The following FAM53B variants were observed in gnomAD, a reference collection of about 807,000 sequenced individuals.
FAM53B encodes protein FAM53B.
Under a neutral mutation model 32.7 loss-of-function variants are expected in FAM53B, and 12 were observed. The observed-to-expected ratio is 0.37, with a 90% CI of 0.24 to 0.59. The LOEUF is 0.59. Ranked by LOEUF, FAM53B falls within the 20% of genes least tolerant of loss-of-function variation. The pLI is 0.72. For synonymous variants in FAM53B, 234 were observed against 228.7 expected (o/e 1.02, Z -0.21); for missense variants, 477 against 577.7 (o/e 0.83, Z 1.79).
At chr10:124,631,120 C>T (rs1312938916) in intron 4 of FAM53B, among the ~76,000 whole-genome samples, 1 of 152,242 alleles carries the variant, frequency 6.6e-6, no homozygotes, top group Non-Finnish European at 1.5e-5. Context: ...TCTCCACACC[C>T]CCAGCCATCC....
chr10:124,625,214 A>G (rs1949338940), intron 4 of FAM53B, among the ~76,000 whole-genome samples: 1 of 152,184 alleles, frequency 6.6e-6, no homozygotes, highest in Non-Finnish European at 1.5e-5. Context: ...GGAGGAAGGT[A>G]TATGTGCCTG....
At chr10:124,680,829 T>C (rs1949765690) in intron 4 of FAM53B, among the ~76,000 whole-genome samples, 1 of 152,194 alleles carries the variant, frequency 6.6e-6, no homozygotes, top group South Asian at 2.1e-4. Flanking sequence ...CGCCCATCCT[T>C]GAGTCAGAGG....
In FAM53B at chr10:124,620,163, T is replaced by C. The variant is rs1949297534; in HGVS notation, c.*3079A>G. The C allele has an allele frequency of 6.5e-6, 1 of 152,680 alleles. No individual in the cohort carries two copies. The highest frequency in any genetic ancestry group is 2.4e-5 in the African/African-American group (1 of 41,460). 9.5% of individuals were successfully genotyped at this position (152,680 alleles called of 1,614,324 possible). ...TTCTGAGAATGAAAATCTGTACGTCTGGTCAGAACAAGCTCCCCACGGGCC... is the reference window on the plus strand; with the variant it reads ...TTCTGAGAATGAAAATCTGTACGTCCGGTCAGAACAAGCTCCCCACGGGCC... On this transcript the variant is annotated 3_prime_UTR_variant, in exon 5 of 5. Coordinates refer to ENST00000337318, the MANE Select transcript of FAM53B (RefSeq NM_014661.4).
chr10:124,658,746 G>A lies in FAM53B; in HGVS notation c.906+22861C>T, dbSNP rs568132509. On this transcript the variant is annotated intron_variant, in intron 4 of 4. Transcript: ENST00000337318. ...ACCCAGGCCACAACTGCAGTGCAGT[G>A]AGCTAAAGGGCCACAGCCTGGGGAT... Among the ~76,000 whole-genome samples the A allele has an allele frequency of 1.6e-4, 24 of 152,320 alleles. No individual in the cohort carries two copies. In the East Asian group the frequency reaches 4.4e-3, roughly 28 times the overall value.
At chr10:124,709,137 C>T (rs540838357) in intron 1 of FAM53B, among the ~76,000 whole-genome samples, 82 of 152,334 alleles carry the variant, frequency 5.4e-4, no homozygotes, top group African/African-American at 1.9e-3. Flanking sequence ...CGGCAATGGA[C>T]GCCCAAGCGG....
At chr10:124,645,111 G>C (rs1949503566) in intron 4 of FAM53B, among the ~76,000 whole-genome samples, 1 of 152,238 alleles carries the variant, frequency 6.6e-6, no homozygotes, top group Non-Finnish European at 1.5e-5. Flanking sequence ...CAGGGTACCT[G>C]TGGCCACAAG....
At chr10:124,671,314 T>C in intron 4 of FAM53B, 1 of 415,344 alleles carries the variant, frequency 2.4e-6, no homozygotes. Flanking sequence ...GCCAATGGAC[T>C]CCACGCTGCC....
chr10:124,649,834 G>A (rs971105670), intron 4 of FAM53B, among the ~76,000 whole-genome samples: 1 of 152,122 alleles, frequency 6.6e-6, no homozygotes, highest in Non-Finnish European at 1.5e-5. Flanking sequence ...ATATACGTAA[G>A]TCCCCATAAG....
intron 4 of FAM53B, among the ~76,000 whole-genome samples, chr10:124,624,720 TG>T (rs1949334255): frequency 6.6e-6 from 1 of 150,454 alleles, no homozygotes; most frequent in African/African-American, 2.4e-5. Context: ...CTGCCAGCGA[TG>T]GGGGTAGGGC....
At chr10:124,656,746 T>C (rs911018632) in intron 4 of FAM53B, among the ~76,000 whole-genome samples, 1 of 152,126 alleles carries the variant, frequency 6.6e-6, no homozygotes, top group Admixed American at 6.6e-5. Flanking sequence ...AAACTAAGGA[T>C]ACAAGAGCAT....
chr10:124,673,007 T>C (rs566849517), intron 4 of FAM53B, among the ~76,000 whole-genome samples: 1 of 152,198 alleles, frequency 6.6e-6, no homozygotes, highest in Admixed American at 6.5e-5. Context: ...TTAAAGAAAG[T>C]TGCCACCTTT....
intron 1 of FAM53B, among the ~76,000 whole-genome samples, chr10:124,717,464 C>G (rs1950044164): frequency 6.6e-6 from 1 of 152,230 alleles, no homozygotes; most frequent in Admixed American, 6.5e-5. Context: ...CCTTTCCAGT[C>G]CTACTCAGAC....
In FAM53B at chr10:124,733,392, G is replaced by A. The variant is rs746733964; in HGVS notation, c.-175+10621C>T. Among the ~76,000 whole-genome samples, 7 of 152,198 alleles carry A rather than the reference G, an allele frequency of 4.6e-5. No individual in the cohort carries two copies. The highest frequency in any genetic ancestry group is 7.2e-5 in the African/African-American group (3 of 41,446). On this transcript the variant is annotated intron_variant, in intron 1 of 4. Transcript: ENST00000337318. This position sits in a 1 kb window ranked among gnomAD's most constrained non-coding sequence, Gnocchi z 4.3. Reference sequence around the variant, plus strand: ...CAGGTGACTCAGGCCCGCCATTCTCGAGTGTCTGTGTCAGCAGCTTCCCCC... The same window carrying A: ...CAGGTGACTCAGGCCCGCCATTCTCAAGTGTCTGTGTCAGCAGCTTCCCCC...
At chr10:124,645,409 T>C (rs540124338) in intron 4 of FAM53B, among the ~76,000 whole-genome samples, 1 of 152,336 alleles carries the variant, frequency 6.6e-6, no homozygotes, top group African/African-American at 2.4e-5. Context: ...TCTCAGCCCC[T>C]GAGACAGGCT....
chr10:124,713,628 T>C (rs1401350276), intron 1 of FAM53B: 1 of 152,212 alleles, frequency 6.6e-6, no homozygotes, highest in Non-Finnish European at 1.5e-5. Context: ...CTTAAGAAGA[T>C]TAGAAGTTTA....
At chr10:124,626,404 C>A (rs1379583907) in intron 4 of FAM53B, among the ~76,000 whole-genome samples, 17 of 132,118 alleles carry the variant, frequency 1.3e-4, no homozygotes, top group Admixed American at 4.4e-4. Context: ...CCCCCCCCCA[C>A]CATTCCTCAG....
chr10:124,706,630 C>T lies in FAM53B; in HGVS notation c.78+6G>A. ...ATGGAAAGCAGGAAGCCTGCCAGGT[C>T]CTCACCAGTTCACGGCTGAAGGTCC... On this transcript the variant is annotated splice_donor_region_variant and intron_variant, in intron 2 of 4. Transcript: ENST00000337318. 1 of 1,614,198 alleles carries T rather than the reference C, an allele frequency of 6.2e-7. No individual in the cohort carries two copies. The highest frequency in any genetic ancestry group is 8.5e-7 in the Non-Finnish European group (1 of 1,180,030).
rs139972068 is a variant in FAM53B at position 124,620,355 on chromosome 10, G to GCACC, written c.*2886_*2887insGGTG. ...ATGAGTGGGGTGCATGTGGCACTAAGCCCCCCCCACCGCCCCGGCTTTCCT... is the reference window on the plus strand; with the variant it reads ...ATGAGTGGGGTGCATGTGGCACTAAGCACCCCCCCCCCACCGCCCCGGCTTTCCT... On this transcript the variant is annotated 3_prime_UTR_variant, in exon 5 of 5. Transcript: ENST00000337318. The GCACC allele has an allele frequency of 3.4e-4, 45 of 130,776 alleles. No individual in the cohort carries two copies. Among genetic ancestry groups the GCACC allele is most frequent in the African/African-American group, 1.3e-3 (44 of 34,020 alleles). The allele number at this position is 130,776 out of a possible 1,614,324, so 8.1% of individuals were successfully genotyped here.
intron 4 of FAM53B, among the ~76,000 whole-genome samples, chr10:124,657,096 A>ATGTGTATATGTGTG (rs1949595446): frequency 8.5e-6 from 1 of 117,278 alleles, no homozygotes; most frequent in African/African-American, 2.8e-5. Context: ...GTGTATATAT[A>ATGTGTATATGTGTG]TGTGTATATA....
Sources: gnomAD v4.1 joint callset for allele counts (sites outside exome capture counted in the v4.1 genomes callset) on GRCh38, gnomAD v4.1.1 for gene constraint, Gnocchi (gnomAD v3.1) non-coding constraint, MANE v1.5 for transcripts, NCBI Gene and HGNC (gene_info 2026-07-23, HGNC 2026-07-21) for gene names.